The following MACROD2 variants were observed in gnomAD, a reference collection of about 807,000 sequenced individuals.
The protein encoded by MACROD2 is ADP-ribose glycohydrolase MACROD2.
In MACROD2, 36 loss-of-function variants were observed where a neutral mutation model predicts 70.4. The observed-to-expected ratio is 0.51, with a 90% confidence interval of 0.39 to 0.68. The LOEUF is 0.68. MACROD2 is among the 30% of genes least tolerant of loss of function. The pLI is 0.00. For missense variants in MACROD2, 496 were observed against 538.4 expected, an observed-to-expected ratio of 0.92 and a Z score of 0.78; for synonymous variants, 172 against 178.8, an observed-to-expected ratio of 0.96 and a Z score of 0.30.
intron 3 of MACROD2, among the ~76,000 whole-genome samples, chr20:14,380,890 C>G (rs1327702627): frequency 6.6e-6 from 1 of 152,120 alleles, no homozygotes; most frequent in African/African-American, 2.4e-5. Flanking sequence ...ATTCAGGGCT[C>G]TTTTAGAATT....
chr20:15,705,488 C>T (rs2050519840), intron 8 of MACROD2, among the ~76,000 whole-genome samples: 1 of 152,248 alleles, frequency 6.6e-6, no homozygotes, highest in Admixed American at 6.5e-5. Context: ...GGTGCGATCT[C>T]AGCTCACTGG....
intron 3 of MACROD2, among the ~76,000 whole-genome samples, chr20:14,144,634 T>C (rs1205910553): frequency 1.3e-5 from 2 of 152,256 alleles, no homozygotes; most frequent in Non-Finnish European, 2.9e-5. Flanking sequence ...AATTTACAGT[T>C]AATTATAATT....
chr20:15,995,920 A>C (rs910447744), intron 15 of MACROD2, among the ~76,000 whole-genome samples: 2 of 151,314 alleles, frequency 1.3e-5, no homozygotes, highest in Admixed American at 1.3e-4. Context: ...ATCTATGGGC[A>C]CTTAGGTTGT....
intron 4 of MACROD2, among the ~76,000 whole-genome samples, chr20:14,672,668 G>A (rs894539866): frequency 6.6e-6 from 1 of 152,162 alleles, no homozygotes; most frequent in African/African-American, 2.4e-5. Context: ...CTACAAGGTT[G>A]ATACTAATAT....
At chr20:14,155,112 G>A (rs1601289220) in intron 3 of MACROD2, among the ~76,000 whole-genome samples, 2 of 152,208 alleles carry the variant, frequency 1.3e-5, no homozygotes, top group Admixed American at 6.5e-5. Flanking sequence ...AAGTCCTAGT[G>A]AGAGTCATTC....
intron 5 of MACROD2, among the ~76,000 whole-genome samples, chr20:14,855,664 C>A (rs1353038455): frequency 8.4e-6 from 1 of 118,828 alleles, no homozygotes; most frequent in Non-Finnish European, 1.6e-5. Flanking sequence ...CTTGGTTTGA[C>A]TGGCATACAA....
At chr20:14,543,919 T>G (rs1212664009) in intron 4 of MACROD2, among the ~76,000 whole-genome samples, 6 of 152,170 alleles carry the variant, frequency 3.9e-5, no homozygotes, top group Non-Finnish European at 7.4e-5. Context: ...TCCCTCAAAC[T>G]TGTCCATATC....
chr20:15,103,172 C>G (rs1036985395), intron 5 of MACROD2, among the ~76,000 whole-genome samples: 6 of 152,094 alleles, frequency 3.9e-5, no homozygotes, highest in Non-Finnish European at 7.4e-5. Flanking sequence ...GAATTATTTT[C>G]TCACATAGCA....
intron 8 of MACROD2, among the ~76,000 whole-genome samples, chr20:15,693,452 C>T (rs572676669): frequency 3.3e-5 from 5 of 152,258 alleles, no homozygotes; most frequent in Admixed American, 2.0e-4. Flanking sequence ...GAGGGCAGGA[C>T]TTGATGATTG....
intron 8 of MACROD2, 66 bp from the exon 9 acceptor site, chr20:15,862,679 G>A (rs2147164569): frequency 7.6e-7 from 1 of 1,310,116 alleles, no homozygotes; most frequent in Admixed American, 1.9e-5. Flanking sequence ...TTGTTCTACG[G>A]CTATGTCCTG....
chr20:15,062,489 G>A (rs777505212), intron 5 of MACROD2, among the ~76,000 whole-genome samples: 4 of 151,810 alleles, frequency 2.6e-5, no homozygotes, highest in Non-Finnish European at 4.4e-5. Context: ...TAGAAGGAAG[G>A]TTCTGTAATT....
At chr20:15,483,036 T>A (rs1181544970) in intron 7 of MACROD2, among the ~76,000 whole-genome samples, 1 of 152,196 alleles carries the variant, frequency 6.6e-6, no homozygotes, top group Non-Finnish European at 1.5e-5. Context: ...ATTCTATTGA[T>A]GTTGTCTTTC....
chr20:15,622,915 G>C (rs2049149352), intron 8 of MACROD2, among the ~76,000 whole-genome samples: 1 of 152,214 alleles, frequency 6.6e-6, no homozygotes, highest in African/African-American at 2.4e-5. Context: ...TAAGCATGGT[G>C]TATGAAGAGT....
At chr20:15,504,545 C>T (rs1000422592) in intron 8 of MACROD2, among the ~76,000 whole-genome samples, 3 of 152,112 alleles carry the variant, frequency 2.0e-5, no homozygotes, top group Non-Finnish European at 4.4e-5. Context: ...AATTATCTCA[C>T]AACACAGAAG....
intron 8 of MACROD2, among the ~76,000 whole-genome samples, chr20:15,846,603 G>C (rs2064233534): frequency 6.6e-6 from 1 of 151,914 alleles, no homozygotes; most frequent in African/African-American, 2.4e-5. Context: ...ACACCAAAAG[G>C]AAAAAACGGT....
chr20:14,131,923 A>T (rs891509156), intron 3 of MACROD2, among the ~76,000 whole-genome samples: 4 of 151,984 alleles, frequency 2.6e-5, no homozygotes, highest in African/African-American at 9.7e-5. Flanking sequence ...TGAGGTCAGG[A>T]GATCGAGACC....
intron 3 of MACROD2, among the ~76,000 whole-genome samples, chr20:14,202,550 T>C (rs2081487769): frequency 6.6e-6 from 1 of 152,238 alleles, no homozygotes; most frequent in Non-Finnish European, 1.5e-5. Context: ...TTTTGTAACT[T>C]ACTTTTGCTT....
At chr20:15,380,808 G>A (rs866961845) in intron 6 of MACROD2, among the ~76,000 whole-genome samples, 1 of 152,142 alleles carries the variant, frequency 6.6e-6, no homozygotes, top group Non-Finnish European at 1.5e-5. Flanking sequence ...ACTAAACTTA[G>A]TGTTGTGTCA....
At chr20:14,566,127 T>C (rs1430107603) in intron 4 of MACROD2, among the ~76,000 whole-genome samples, 1 of 151,952 alleles carries the variant, frequency 6.6e-6, no homozygotes, top group Non-Finnish European at 1.5e-5. Flanking sequence ...GTGATAAATA[T>C]AGGTTTATTT....
Sources: allele counts gnomAD v4.1 joint callset (sites outside exome capture counted in the v4.1 genomes callset), GRCh38; gene constraint gnomAD v4.1.1; transcripts MANE v1.5; gene names NCBI Gene and HGNC (gene_info 2026-07-23, HGNC 2026-07-21).